The following STAG1 variants were observed in gnomAD, a reference collection of about 807,000 sequenced individuals.
The protein encoded by STAG1 is STAG1 cohesin complex component.
Under a neutral mutation model 170.9 loss-of-function variants are expected in STAG1, and 26 were observed. The observed-to-expected ratio is 0.15, with a 90% CI of 0.11 to 0.21. STAG1 has a LOEUF of 0.21. Ranked by LOEUF, STAG1 falls within the 10% of genes least tolerant of loss-of-function variation. The pLI is 1.00. For missense variants in STAG1, 964 were observed against 1,509.5 expected (o/e 0.64, Z 5.99); for synonymous variants, 514 against 497.7 (o/e 1.03, Z -0.44).
intron 12 of STAG1, among the ~76,000 whole-genome samples, chr3:136,467,791 GA>G: frequency 6.6e-6 from 1 of 152,116 alleles, no homozygotes; most frequent in East Asian, 1.9e-4. Context: ...TAAAAGAACA[GA>G]AATTATAACA....
intron 1 of STAG1, among the ~76,000 whole-genome samples, chr3:136,692,722 T>C (rs1477906041): frequency 6.6e-6 from 1 of 152,138 alleles, no homozygotes; most frequent in Non-Finnish European, 1.5e-5. Context: ...CCCTCAACCA[T>C]GAAGTTTTTT....
intron 12 of STAG1, among the ~76,000 whole-genome samples, chr3:136,466,397 G>GT (rs2089461263): frequency 6.6e-6 from 1 of 152,088 alleles, no homozygotes; most frequent in East Asian, 1.9e-4. Context: ...GGAAGAAAGG[G>GT]TATCAGTGAC....
chr3:136,726,469 G>A (rs1933695150), intron 1 of STAG1, among the ~76,000 whole-genome samples: 2 of 152,340 alleles, frequency 1.3e-5, no homozygotes, highest in South Asian at 4.1e-4. Flanking sequence ...TGTCACCTGG[G>A]CTGGAGTGCA....
chr3:136,633,962 T>TAAAAAAAA (rs67810422), intron 1 of STAG1, among the ~76,000 whole-genome samples: 4,912 of 50,158 alleles, frequency 0.098, 1,214 homozygotes, highest in East Asian at 0.24. Flanking sequence ...TGTCTCTACT[T>TAAAAAAAA]AAAAAAAAAA....
Position 136,586,055 on chromosome 3 carries a change from T to C in STAG1, c.298-17194A>G, listed in dbSNP as rs747969804. Among the ~76,000 whole-genome samples the C allele has an allele frequency of 6.1e-4, 93 of 152,324 alleles. 1 individual carries two copies. Among genetic ancestry groups the C allele is most frequent in the Middle Eastern group, 3.4e-3 (1 of 294 alleles). ...ATTCTTACTGAGGGTACATGCAGGA[T>C]AATTTGGCTAGAAGCATTAAAGTAA... On this transcript the variant is annotated intron_variant, in intron 4 of 33. Transcript: ENST00000383202.
chr3:136,674,225 A>G (rs1213912561), intron 1 of STAG1, among the ~76,000 whole-genome samples: 2 of 149,152 alleles, frequency 1.3e-5, no homozygotes, highest in Non-Finnish European at 3.0e-5. Context: ...AATTCAAAAG[A>G]GCCCAAAATT....
intron 16 of STAG1, among the ~76,000 whole-genome samples, chr3:136,423,760 C>T (rs532043419): frequency 1.2e-4 from 19 of 152,238 alleles, no homozygotes; most frequent in Middle Eastern, 3.4e-3. Context: ...GGAACAGAAA[C>T]ATTCCAATAT....
At chr3:136,376,374 GCCCACCCTGACC>G (rs1416733146) in intron 23 of STAG1, among the ~76,000 whole-genome samples, 5 of 152,114 alleles carry the variant, frequency 3.3e-5, no homozygotes, top group Non-Finnish European at 4.4e-5. Flanking sequence ...TACTTCCCTG[GCCCACCCTGACC>G]CCCACCCTGA....
chr3:136,605,420 TCACATA>T (rs1215389802), intron 3 of STAG1, among the ~76,000 whole-genome samples: 5 of 152,238 alleles, frequency 3.3e-5, no homozygotes, highest in Non-Finnish European at 2.9e-5. Flanking sequence ...ATTCATTCAT[TCACATA>T]CAAACTCATT....
chr3:136,605,972 C>T lies in STAG1; in HGVS notation c.133-1499G>A, dbSNP rs562697636. Among the ~76,000 whole-genome samples, 3 of 152,062 alleles carry T rather than the reference C, an allele frequency of 2.0e-5. No individual in the cohort carries two copies. In the South Asian group the frequency reaches 6.2e-4, roughly 32 times the overall value. On this transcript the variant is annotated intron_variant, in intron 3 of 33. Transcript: ENST00000383202. Reference sequence around the variant, plus strand: ...CTGTTAGTAGTTAATGGCCCTCTAACCATTTCTGTGTGTGGATTAATATAT... The same window carrying T: ...CTGTTAGTAGTTAATGGCCCTCTAATCATTTCTGTGTGTGGATTAATATAT...
chr3:136,524,762 T>A (rs933423164), intron 6 of STAG1, among the ~76,000 whole-genome samples: 5 of 152,204 alleles, frequency 3.3e-5, no homozygotes, highest in African/African-American at 1.2e-4. Flanking sequence ...TATTTTGAGA[T>A]ACGTCCCATC....
intron 21 of STAG1, among the ~76,000 whole-genome samples, chr3:136,410,336 G>C (rs1273433891): frequency 1.3e-5 from 2 of 151,702 alleles, no homozygotes; most frequent in Non-Finnish European, 2.9e-5. Flanking sequence ...GGAAGTGGAG[G>C]TTGCCTGCAG....
intron 6 of STAG1, among the ~76,000 whole-genome samples, chr3:136,525,086 G>C (rs1206959130): frequency 6.6e-6 from 1 of 152,160 alleles, no homozygotes; most frequent in African/African-American, 2.4e-5. Flanking sequence ...CCAGGCTTTG[G>C]TATCAAGATG....
intron 30 of STAG1, among the ~76,000 whole-genome samples, chr3:136,341,804 A>G (rs1935981672): frequency 6.6e-6 from 1 of 152,258 alleles, no homozygotes; most frequent in African/African-American, 2.4e-5. Flanking sequence ...AAGGGTTCTC[A>G]GACCTCTGTT....
intron 5 of STAG1, among the ~76,000 whole-genome samples, chr3:136,550,347 G>A (rs914012403): frequency 1.0e-4 from 15 of 148,856 alleles, no homozygotes; most frequent in Admixed American, 8.7e-4. Context: ...TCACTCTGTC[G>A]CCCAGGCTGG....
intron 6 of STAG1, among the ~76,000 whole-genome samples, chr3:136,532,368 T>C (rs912359416): frequency 2.6e-5 from 4 of 152,196 alleles, no homozygotes; most frequent in African/African-American, 9.7e-5. Flanking sequence ...CTGGTTTTGC[T>C]AACAGGGTAA....
At chr3:136,410,269 G>C (rs186664827) in intron 21 of STAG1, among the ~76,000 whole-genome samples, 1 of 151,166 alleles carries the variant, frequency 6.6e-6, no homozygotes, top group East Asian at 1.9e-4. Context: ...GTGTGGTGGC[G>C]GGCTCCTGTA....
intron 1 of STAG1, among the ~76,000 whole-genome samples, chr3:136,704,643 CAT>C (rs1943173954): frequency 6.6e-6 from 1 of 151,368 alleles, no homozygotes; most frequent in South Asian, 2.1e-4. Flanking sequence ...ACCTGGGAAA[CAT>C]AACAAAACTC....
chr3:136,499,433 A>AT (rs1223075335), intron 9 of STAG1, among the ~76,000 whole-genome samples: 1 of 152,112 alleles, frequency 6.6e-6, no homozygotes, highest in African/African-American at 2.4e-5. Context: ...AAGTGTTAGG[A>AT]TTACAGGGAT....
Sources: allele counts gnomAD v4.1 joint callset (sites outside exome capture counted in the v4.1 genomes callset), GRCh38; gene constraint gnomAD v4.1.1; transcripts MANE v1.5; gene names NCBI Gene and HGNC (gene_info 2026-07-23, HGNC 2026-07-21).